Variants in SNX9 observed in about 807,000 individuals in gnomAD.
SNX9 encodes sorting nexin 9.
SNX9 carries 44 observed loss-of-function variants against 89.4 expected under a neutral mutation model. The ratio of observed to expected loss-of-function variants is 0.49; its 90% CI spans 0.39 to 0.63. SNX9 has a LOEUF of 0.63. Ranked by LOEUF, SNX9 falls within the 30% of genes least tolerant of loss-of-function variation. The pLI, the probability that SNX9 is intolerant of heterozygous loss-of-function variation, is 0.00. For synonymous variants in SNX9, 236 were observed against 247.8 expected, an observed-to-expected ratio of 0.95 and a Z score of 0.45; for missense variants, 578 against 736.1, an observed-to-expected ratio of 0.79 and a Z score of 2.49.
intron 4 of SNX9, among the ~76,000 whole-genome samples, chr6:157,879,587 T>TA (rs1324787028): frequency 1.3e-5 from 2 of 152,250 alleles, no homozygotes. Context: ...TTTTAGTGGT[T>TA]AATATTAGTT....
At chr6:157,837,318 C>T (rs1264256692) in intron 1 of SNX9, among the ~76,000 whole-genome samples, 1 of 152,116 alleles carries the variant, frequency 6.6e-6, no homozygotes, top group Non-Finnish European at 1.5e-5. Context: ...TTAAGTTAGC[C>T]AGAAAACATG....
At chr6:157,829,886 A>G (rs755361340) in intron 1 of SNX9, among the ~76,000 whole-genome samples, 4 of 152,192 alleles carry the variant, frequency 2.6e-5, no homozygotes, top group African/African-American at 9.7e-5. Flanking sequence ...TCTGTCTACC[A>G]TCTTATAGAT....
At chr6:157,834,978 A>G (rs1347248824) in intron 1 of SNX9, among the ~76,000 whole-genome samples, 1 of 152,198 alleles carries the variant, frequency 6.6e-6, no homozygotes, top group Non-Finnish European at 1.5e-5. Context: ...TGAATCATCT[A>G]AAGCCAAGAT....
chr6:157,842,702 C>T (rs971165173), intron 1 of SNX9, among the ~76,000 whole-genome samples: 1 of 152,098 alleles, frequency 6.6e-6, no homozygotes, highest in Non-Finnish European at 1.5e-5. Flanking sequence ...GGTTGGATGG[C>T]AGAACTGGTT....
At chr6:157,919,758 A>G (rs1236903249) in intron 9 of SNX9, among the ~76,000 whole-genome samples, 1 of 151,916 alleles carries the variant, frequency 6.6e-6, no homozygotes, top group African/African-American at 2.4e-5. Flanking sequence ...TTTTCTCAGT[A>G]TGGTTCATAT....
chr6:157,909,261 A>C (rs556259141), intron 7 of SNX9, among the ~76,000 whole-genome samples: 13 of 152,362 alleles, frequency 8.5e-5, no homozygotes, highest in African/African-American at 3.1e-4. Context: ...GTATTGTTGA[A>C]AAATCAAAAT....
intron 6 of SNX9, among the ~76,000 whole-genome samples, chr6:157,904,870 G>A (rs1341348550): frequency 6.6e-6 from 1 of 152,220 alleles, no homozygotes; most frequent in Non-Finnish European, 1.5e-5. Context: ...GATAGCGGCA[G>A]TCAGGTGTGA....
chr6:157,928,771 C>A, intron 12 of SNX9, 69 bp downstream of exon 12: 2 of 1,210,092 alleles, frequency 1.7e-6, no homozygotes, highest in Non-Finnish European at 1.1e-6. Context: ...TGTCCCTTAT[C>A]ATAGAGGGGA....
At chr6:157,824,821 G>C (rs1781310131) in intron 1 of SNX9, among the ~76,000 whole-genome samples, 1 of 152,170 alleles carries the variant, frequency 6.6e-6, no homozygotes, top group South Asian at 2.1e-4. Flanking sequence ...TATTAATTTT[G>C]TGTTGACCTT....
chr6:157,932,692 C>G (rs1583245731), intron 13 of SNX9, among the ~76,000 whole-genome samples: 1 of 150,922 alleles, frequency 6.6e-6, no homozygotes, highest in Non-Finnish European at 1.5e-5. Context: ...ATGGTGAGAC[C>G]CCCATCTCTA....
At chr6:157,932,797 G>T (rs998781145) in intron 13 of SNX9, among the ~76,000 whole-genome samples, 3 of 148,198 alleles carry the variant, frequency 2.0e-5, no homozygotes, top group African/African-American at 7.5e-5. Flanking sequence ...AGCCCGGGAG[G>T]CAGAGGTTGC....
At chr6:157,830,768 T>C (rs1781464610) in intron 1 of SNX9, among the ~76,000 whole-genome samples, 3 of 152,214 alleles carry the variant, frequency 2.0e-5, no homozygotes, top group African/African-American at 7.2e-5. Flanking sequence ...TGAGTGCAGC[T>C]CTAGAAAATT....
chr6:157,848,757 C>T (rs1352107233), intron 1 of SNX9, among the ~76,000 whole-genome samples: 2 of 152,132 alleles, frequency 1.3e-5, no homozygotes, highest in Non-Finnish European at 2.9e-5. Context: ...TGTCCACAAG[C>T]AACGATAGTA....
chr6:157,879,170 G>A (rs750913325), intron 4 of SNX9, among the ~76,000 whole-genome samples: 6 of 152,222 alleles, frequency 3.9e-5, no homozygotes, highest in Middle Eastern at 3.2e-3. Context: ...TCCTCCTGCA[G>A]ATCTGCTCGC....
chr6:157,859,270 T>G (rs185867769), intron 1 of SNX9, among the ~76,000 whole-genome samples: 1 of 152,360 alleles, frequency 6.6e-6, no homozygotes, highest in African/African-American at 2.4e-5. Flanking sequence ...AATTTAAAAT[T>G]AATTTCTTGT....
intron 4 of SNX9, 145 bp from the exon 5 acceptor site, chr6:157,896,679 ATAT>A (rs1411392987): frequency 2.2e-6 from 2 of 915,028 alleles, no homozygotes. Context: ...GGAAATTAAA[ATAT>A]TATGTATGTA....
chr6:157,875,961 T>A (rs1336592920), intron 4 of SNX9, among the ~76,000 whole-genome samples: 1 of 151,334 alleles, frequency 6.6e-6, no homozygotes, highest in Non-Finnish European at 1.5e-5. Flanking sequence ...GGCAACACGA[T>A]GAAACCCCAT....
intron 10 of SNX9, 50 bp downstream of exon 10, chr6:157,921,711 T>G: frequency 6.4e-7 from 1 of 1,568,204 alleles, no homozygotes. Flanking sequence ...AGTTGTCTCA[T>G]TCACACCAAA....
At chr6:157,938,596 C>G in intron 15 of SNX9, 37 bp from the exon 16 acceptor site, 1 of 1,362,668 alleles carries the variant, frequency 7.3e-7, no homozygotes, top group Non-Finnish European at 1.0e-6. Flanking sequence ...CTAATCATTT[C>G]AGCTTTATTC....
Sources: gnomAD v4.1 joint callset for allele counts (sites outside exome capture counted in the v4.1 genomes callset) on GRCh38, gnomAD v4.1.1 for gene constraint, MANE v1.5 for transcripts, NCBI Gene and HGNC (gene_info 2026-07-23, HGNC 2026-07-21) for gene names.